The following NECTIN2 variants were observed in gnomAD, a reference collection of about 807,000 sequenced individuals.
NECTIN2 encodes nectin-2.
Under a neutral mutation model 56.9 loss-of-function variants are expected in NECTIN2, and 23 were observed. The ratio of observed to expected loss-of-function variants is 0.40; its 90% confidence interval spans 0.29 to 0.57. The LOEUF is 0.57. Ranked by LOEUF, NECTIN2 falls within the 20% of genes least tolerant of loss-of-function variation. The probability of loss-of-function intolerance (pLI) is 0.38; values close to 1 mark genes in which losing one functional copy is unlikely to be tolerated. For missense variants in NECTIN2, 587 were observed against 718.3 expected, an observed-to-expected ratio of 0.82 and a Z score of 2.09; for synonymous variants, 302 against 313.8, an observed-to-expected ratio of 0.96 and a Z score of 0.40.
chr19:44,861,402 C>T (rs539986005), intron 1 of NECTIN2, among the ~76,000 whole-genome samples: 1 of 152,306 alleles, frequency 6.6e-6, no homozygotes, highest in South Asian at 2.1e-4. Flanking sequence ...CTTAAGTGTC[C>T]ATCGATGAAT....
chr19:44,873,459 C>G (rs1372648318), intron 3 of NECTIN2, among the ~76,000 whole-genome samples: 3 of 152,106 alleles, frequency 2.0e-5, no homozygotes, highest in Non-Finnish European at 2.9e-5. Context: ...ATGGTGAAAC[C>G]CTGTCTGTAC....
chr19:44,848,466 T>C (rs1224922657), intron 1 of NECTIN2, among the ~76,000 whole-genome samples: 2 of 152,112 alleles, frequency 1.3e-5, no homozygotes, highest in Non-Finnish European at 2.9e-5. Flanking sequence ...CCTCTGAGTT[T>C]CCATTTCCTC....
At chr19:44,879,905 C>T (rs898468586) in intron 5 of NECTIN2, among the ~76,000 whole-genome samples, 26 of 152,302 alleles carry the variant, frequency 1.7e-4, no homozygotes, top group African/African-American at 5.5e-4. Flanking sequence ...TGCCGTCCTC[C>T]GGTGTGCACG....
In NECTIN2 at chr19:44,882,316, G is replaced by A. The variant is rs554767906; in HGVS notation, c.1148G>A (p.Arg383Gln). Residue 383 changes from arginine to glutamine, a missense_variant, in exon 6 of 9, where the codon CGG becomes CAG. Physicochemically the swap from Arg to Gln is conservative, Grantham distance 43. Coordinates refer to ENST00000252483, the MANE Select transcript of NECTIN2 (RefSeq NM_001042724.2). ...AVAATGILIC[R>Q]QQRKEQTLQG... is the part of the protein sequence containing the mutation. ...GCTGCCACGGGCATCCTTATCTGCCGGCAGCAGCGGAAGGAGCAGACGCTG... is the reference window on the plus strand; with the variant it reads ...GCTGCCACGGGCATCCTTATCTGCCAGCAGCAGCGGAAGGAGCAGACGCTG... 2.4e-5 allele frequency: 37 copies of A among 1,546,506 alleles called. No homozygotes were observed. The highest frequency in any genetic ancestry group is 1.8e-4 in the Admixed American group (9 of 50,812).
chr19:44,868,371 T>C (rs1006843592), intron 2 of NECTIN2, among the ~76,000 whole-genome samples: 1 of 135,932 alleles, frequency 7.4e-6, no homozygotes, highest in Admixed American at 7.3e-5. Flanking sequence ...AAAAAAAAAA[T>C]AGGACTCCCA....
At position 44,865,491 on chromosome 19, in the gene NECTIN2, G is replaced by C. The variant is rs1474984257; in HGVS notation, c.309G>C (p.Leu103=). 5 of 1,608,290 alleles carry C rather than the reference G, an allele frequency of 3.1e-6. No homozygotes were observed. The highest frequency in any genetic ancestry group is 4.2e-6 in the Non-Finnish European group (5 of 1,177,816). The change falls in exon 2 of 9, where the codon CTG becomes CTC. Residue 103 remains leucine (L), a synonymous_variant. Transcript: ENST00000252483. This position sits in a 1 kb window ranked among gnomAD's most constrained non-coding sequence, Gnocchi z 5.2. ...GCCCGAAGCCTGGCAGCGAGCGGCTGTCCTTCGTCTCTGCCAAGCAGAGCA... is the reference window on the plus strand; with the variant it reads ...GCCCGAAGCCTGGCAGCGAGCGGCTCTCCTTCGTCTCTGCCAAGCAGAGCA... ...FPSPKPGSER[L]SFVSAKQSTG...
At chr19:44,868,828 C>T (rs1297015635) in intron 2 of NECTIN2, among the ~76,000 whole-genome samples, 1 of 151,780 alleles carries the variant, frequency 6.6e-6, no homozygotes, top group Non-Finnish European at 1.5e-5. Context: ...AGGAGAATGG[C>T]TTGAACCCGG....
intron 5 of NECTIN2, chr19:44,878,475 A>C: frequency 6.2e-7 from 1 of 1,612,510 alleles, no homozygotes; most frequent in East Asian, 2.2e-5. Context: ...GGTCCCATGG[A>C]ACCAGATGGC....
In NECTIN2 at chr19:44,874,350, C is replaced by A. The variant is rs180859792; in HGVS notation, c.914C>A (p.Thr305Asn). The A allele has an allele frequency of 6.2e-7, 1 of 1,614,180 alleles. No individual in the cohort carries two copies. Among genetic ancestry groups the A allele is most frequent in the African/African-American group, 1.3e-5 (1 of 75,056 alleles). ...DWSTTSGTFP[T>N]SAVAQGSQLV... ...TCCAGGACCTCAGGCACCTTCCCGACCTCCGCAGTGGCCCAGGGCTCCCAG... is the reference window on the plus strand; with the variant it reads ...TCCAGGACCTCAGGCACCTTCCCGAACTCCGCAGTGGCCCAGGGCTCCCAG... Residue 305 changes from threonine to asparagine, a missense_variant, in exon 5 of 9, where the codon ACC (threonine) becomes AAC (asparagine). Coordinates refer to ENST00000252483, the MANE Select transcript of NECTIN2 (RefSeq NM_001042724.2). This position sits in a 1 kb window ranked among gnomAD's most constrained non-coding sequence, Gnocchi z 6.3.
At chr19:44,869,419 T>C (rs900597807) in intron 2 of NECTIN2, among the ~76,000 whole-genome samples, 62 of 151,758 alleles carry the variant, frequency 4.1e-4, no homozygotes, top group African/African-American at 1.4e-3. Context: ...GGTGAAACCC[T>C]GTCTCTACTA....
intron 5 of NECTIN2, chr19:44,879,002 A>T: frequency 1.1e-5 from 9 of 784,952 alleles, no homozygotes; most frequent in African/African-American, 1.9e-5. Flanking sequence ...AGGGTGGGAC[A>T]GGGACTCCTA....
intron 1 of NECTIN2, among the ~76,000 whole-genome samples, chr19:44,856,446 C>T: frequency 6.6e-6 from 1 of 152,146 alleles, no homozygotes; most frequent in Non-Finnish European, 1.5e-5. Context: ...CTCAGGCCTC[C>T]TTGGATGAAG....
At chr19:44,868,141 C>A (rs935718979) in intron 2 of NECTIN2, among the ~76,000 whole-genome samples, 5 of 151,606 alleles carry the variant, frequency 3.3e-5, no homozygotes, top group African/African-American at 7.3e-5. Flanking sequence ...GTGGGCAGAT[C>A]GCTTTGAGGT....
intron 1 of NECTIN2, among the ~76,000 whole-genome samples, chr19:44,849,665 A>C (rs1422476549): frequency 6.6e-6 from 1 of 151,982 alleles, no homozygotes; most frequent in African/African-American, 2.4e-5. Flanking sequence ...AGGCAGGGAG[A>C]CTCCACAGTC....
Position 44,875,927 on chromosome 19 carries a change from A to G in NECTIN2, c.1042+1449A>G, listed in dbSNP as rs1030826138. ...GCTCGCCTGGCGCGTGAGGATGCAC[A>G]TAAGTCCCCGGAGGAAGACGTCACA... On this transcript the variant is annotated intron_variant, in intron 5 of 8. Coordinates refer to ENST00000252483, the MANE Select transcript of NECTIN2 (RefSeq NM_001042724.2). The surrounding 1 kb of genome is among the most constrained non-coding windows in gnomAD (Gnocchi z 4.2). 2.4e-4 allele frequency among the ~76,000 whole-genome samples: 37 copies of G among 152,146 alleles called. No homozygotes were observed. Among genetic ancestry groups the G allele is most frequent in the Admixed American group, 1.1e-3 (17 of 15,276 alleles).
chr19:44,882,690 CAAAAAAAA>C (rs35741405), intron 6 of NECTIN2, among the ~76,000 whole-genome samples: 31 of 38,324 alleles, frequency 8.1e-4, no homozygotes, highest in African/African-American at 2.5e-3. Context: ...CCCCCATCTA[CAAAAAAAA>C]AAAAAAAAAA....
chr19:44,858,703 T>C (rs417193), intron 1 of NECTIN2, among the ~76,000 whole-genome samples: 51,350 of 151,670 alleles, frequency 0.34, 9,466 homozygotes, highest in Non-Finnish European at 0.39. Context: ...AGTGCAGTGG[T>C]ATGATCTCAG....
At chr19:44,871,633 C>T (rs1969175246) in intron 2 of NECTIN2, among the ~76,000 whole-genome samples, 1 of 152,182 alleles carries the variant, frequency 6.6e-6, no homozygotes, top group African/African-American at 2.4e-5. Context: ...TTAATTCACA[C>T]AGCAATCCTA....
intron 6 of NECTIN2, among the ~76,000 whole-genome samples, chr19:44,885,077 A>C (rs531733791): frequency 6.7e-6 from 1 of 149,172 alleles, no homozygotes; most frequent in Non-Finnish European, 1.5e-5. Context: ...GCTCACCACA[A>C]CCTCCACCTC....
Sources: gnomAD v4.1 joint callset for allele counts (sites outside exome capture counted in the v4.1 genomes callset) on GRCh38, gnomAD v4.1.1 for gene constraint, Gnocchi (gnomAD v3.1) non-coding constraint, MANE v1.5 for transcripts, NCBI Gene and HGNC (gene_info 2026-07-23, HGNC 2026-07-21) for gene names.